The following RBBP8 variants were observed in gnomAD, a reference collection of about 807,000 sequenced individuals.
RBBP8 encodes RB binding protein 8, endonuclease.
Under a neutral mutation model 108.3 loss-of-function variants are expected in RBBP8, and 88 were observed. The ratio of observed to expected loss-of-function variants is 0.81; its 90% CI spans 0.68 to 0.97. The LOEUF (loss-of-function observed/expected upper bound fraction) is 0.97. Among genes scored for constraint, RBBP8 ranks in the 50% least tolerant of loss-of-function variants. The pLI is 0.00. For missense variants in RBBP8, 1,023 were observed against 1,049.0 expected, an observed-to-expected ratio of 0.98 and a Z score of 0.34; for synonymous variants, 332 against 348.2, an observed-to-expected ratio of 0.95 and a Z score of 0.52.
At chr18:22,980,382 A>C (rs760828604) in intron 6 of RBBP8, among the ~76,000 whole-genome samples, 3 of 152,222 alleles carry the variant, frequency 2.0e-5, no homozygotes, top group Non-Finnish European at 4.4e-5. Flanking sequence ...TTGCAATTTT[A>C]AACGGTAAAA....
upstream of RBBP8, among the ~76,000 whole-genome samples, chr18:22,932,149 G>A (rs1910070948): frequency 6.6e-6 from 1 of 152,134 alleles, no homozygotes; most frequent in Non-Finnish European, 1.5e-5. Flanking sequence ...TAGAGAGTGA[G>A]ACACAGGCAG....
chr18:22,961,684 T>C (rs1913109362), intron 4 of RBBP8, among the ~76,000 whole-genome samples: 1 of 152,206 alleles, frequency 6.6e-6, no homozygotes, highest in Non-Finnish European at 1.5e-5. Context: ...TTTTTTAAGC[T>C]CATCAGCTAT....
At chr18:22,954,979 A>G (rs1452289571) in intron 4 of RBBP8, among the ~76,000 whole-genome samples, 1 of 152,126 alleles carries the variant, frequency 6.6e-6, no homozygotes, top group Non-Finnish European at 1.5e-5. Flanking sequence ...CTCCCACCTC[A>G]TCCTCCCAAA....
intron 16 of RBBP8, among the ~76,000 whole-genome samples, chr18:23,014,539 CA>C (rs1313466588): frequency 6.6e-6 from 1 of 152,118 alleles, no homozygotes; most frequent in Non-Finnish European, 1.5e-5. Context: ...GAGGCTGAGG[CA>C]GGGGGATTAC....
chr18:22,990,360 A>G (rs1002361807), intron 9 of RBBP8, among the ~76,000 whole-genome samples: 3 of 152,208 alleles, frequency 2.0e-5, no homozygotes, highest in African/African-American at 7.2e-5. Context: ...TCTCTAAAGG[A>G]TTATTTTAAA....
At chr18:22,967,863 T>G (rs6507409) in intron 4 of RBBP8, among the ~76,000 whole-genome samples, 150,538 of 152,056 alleles carry the variant, frequency 0.99, 74,536 homozygotes, top group East Asian at 1. Context: ...TAGCCAGGGT[T>G]GTCTCGATCT....
rs137990382 is a variant in RBBP8, at chr18:22,995,992, C to T, written c.1940-382C>T. ...TTTCCAAAGCAGCTACACCATTTCACATTCCCACCAGCAGTATGTGAGGGT... is the reference window on the plus strand; with the variant it reads ...TTTCCAAAGCAGCTACACCATTTCATATTCCCACCAGCAGTATGTGAGGGT... On this transcript the variant is annotated intron_variant, in intron 12 of 18. Coordinates refer to ENST00000327155, the MANE Select transcript of RBBP8 (RefSeq NM_002894.3). Among the ~76,000 whole-genome samples the T allele has an allele frequency of 3.3e-5, 5 of 152,360 alleles. No homozygotes were observed. In the East Asian group the frequency reaches 9.6e-4, roughly 29 times the overall value.
At chr18:22,989,456 A>G (rs1915536787) in intron 9 of RBBP8, 138 bp downstream of exon 9, 1 of 627,432 alleles carries the variant, frequency 1.6e-6, no homozygotes, top group Admixed American at 2.3e-5. Context: ...CATTGTTAGA[A>G]AGTCCTATTT....
chr18:23,001,569 A>G lies in RBBP8; in HGVS notation c.2144-17A>G, dbSNP rs759755734. ...AAAAGCTTGCTTATTGCCCTAAGCCAGTGCTCTTTTACATAGATGAAGAAA... is the reference window on the plus strand; with the variant it reads ...AAAAGCTTGCTTATTGCCCTAAGCCGGTGCTCTTTTACATAGATGAAGAAA... On this transcript the variant is annotated splice_polypyrimidine_tract_variant and intron_variant, in intron 14 of 18. Coordinates refer to ENST00000327155, the MANE Select transcript of RBBP8 (RefSeq NM_002894.3). 108 of 1,613,986 alleles carry G rather than the reference A, an allele frequency of 6.7e-5. No individual in the cohort carries two copies. The East Asian group carries it at 2.3e-3, about 35-fold the overall frequency.
chr18:23,019,856 G>T (rs1245496236), intron 17 of RBBP8, among the ~76,000 whole-genome samples: 1 of 150,732 alleles, frequency 6.6e-6, no homozygotes, highest in Non-Finnish European at 1.5e-5. Flanking sequence ...CCGCCTCCTG[G>T]GTTCACACCA....
chr18:22,917,164 C>T (rs1598617116), intron 3 of RBBP8: 1 of 152,298 alleles, frequency 6.6e-6, no homozygotes, highest in East Asian at 1.9e-4. Flanking sequence ...AATGTTAATT[C>T]TACTAATTAC....
Position 22,982,306 on chromosome 18 carries a change from G to A in RBBP8, c.517G>A (p.Val173Ile), listed in dbSNP as rs372640326. ...GATAACAGCCTTCTCATTTTCTGGC[G>A]TTAACCGGCTACGAAGAAAGGAGAA... ...SPITAFSFSG[V>I]NRLRRKENPH... Residue 173 changes from valine to isoleucine, a missense_variant, in exon 7 of 19, where the codon GTT (valine) becomes ATT (isoleucine). Val to Ile is a conservative substitution (Grantham distance 29). Transcript: ENST00000327155. 2.7e-5 allele frequency: 44 copies of A among 1,614,012 alleles called. No individual in the cohort carries two copies. The highest frequency in any genetic ancestry group is 3.5e-5 in the Non-Finnish European group (41 of 1,180,022).
At chr18:22,972,181 C>T (rs1199752666) in intron 5 of RBBP8, among the ~76,000 whole-genome samples, 1 of 149,266 alleles carries the variant, frequency 6.7e-6, no homozygotes, top group Non-Finnish European at 1.5e-5. Context: ...TGGTGAAAAC[C>T]CGTCTCTACT....
chr18:22,939,281 C>T (rs1405147560), intron 2 of RBBP8, among the ~76,000 whole-genome samples: 3 of 152,022 alleles, frequency 2.0e-5, no homozygotes, highest in Non-Finnish European at 2.9e-5. Context: ...CCAAGGTGGG[C>T]GGATCACCTG....
At position 22,925,021 on chromosome 18, in the gene RBBP8, C is replaced by T. The variant is rs1408132960; in HGVS notation, c.-153-4362C>T. On this transcript the variant is annotated intron_variant, in intron 3 of 4. Transcript: ENST00000577588. The stretch of plus-strand genomic sequence containing the variant: ...ATCTTAGCCTCCCAAGTAGCTGAGG[C>T]TACACACAACACTGAACCCAGCTAG... Among the ~76,000 whole-genome samples, 12 of 151,928 alleles carry T rather than the reference C, an allele frequency of 7.9e-5. 1 individual carries two copies. Among genetic ancestry groups the T allele is most frequent in the Admixed American group, 7.9e-4 (12 of 15,242 alleles).
At chr18:23,024,612 A>C (rs577837283) in intron 18 of RBBP8, 72 of 152,306 alleles carry the variant, frequency 4.7e-4, no homozygotes, top group African/African-American at 1.6e-3. Context: ...TCCAGAGGCA[A>C]TTAGTTATCT....
chr18:22,979,202 T>A lies in RBBP8; in HGVS notation c.429-3016T>A, dbSNP rs1035875581. Among the ~76,000 whole-genome samples the A allele has an allele frequency of 2.6e-5, 4 of 152,196 alleles. No homozygotes were observed. In the East Asian group the frequency reaches 7.7e-4, roughly 29 times the overall value. ...AAGAATCACTTGAACCTGGCAGAGGTTGCAGTGCGCTGAGATCGCACCACT... is the reference window on the plus strand; with the variant it reads ...AAGAATCACTTGAACCTGGCAGAGGATGCAGTGCGCTGAGATCGCACCACT... On this transcript the variant is annotated intron_variant, in intron 6 of 18. Transcript: ENST00000327155.
chr18:22,991,475 G>T (rs1441140953), intron 10 of RBBP8, among the ~76,000 whole-genome samples: 1 of 152,148 alleles, frequency 6.6e-6, no homozygotes, highest in Non-Finnish European at 1.5e-5. Context: ...CGTGATATCA[G>T]TGGGGGATTA....
intron 4 of RBBP8, among the ~76,000 whole-genome samples, chr18:22,959,017 G>C (rs1262676114): frequency 6.6e-6 from 1 of 152,074 alleles, no homozygotes. Flanking sequence ...AATACTTAAT[G>C]AACCACCTGT....
Sources: allele counts gnomAD v4.1 joint callset (sites outside exome capture counted in the v4.1 genomes callset), GRCh38; gene constraint gnomAD v4.1.1; transcripts MANE v1.5; gene names NCBI Gene and HGNC (gene_info 2026-07-23, HGNC 2026-07-21).